Variants in RBM43 observed in about 807,000 individuals in gnomAD.
RBM43 encodes the protein RNA-binding protein 43.
In RBM43, 12 loss-of-function variants were observed where a neutral mutation model predicts 12.4. The observed-to-expected ratio is 0.97, with a 90% CI of 0.62 to 1.57. RBM43 has a LOEUF of 1.57. RBM43 is among the 40% of genes most tolerant of loss of function. The pLI, the probability that RBM43 is intolerant of heterozygous loss-of-function variation, is 0.00. For missense variants in RBM43, 348 were observed against 400.1 expected, an observed-to-expected ratio of 0.87 and a Z score of 1.11; for synonymous variants, 138 against 145.7, an observed-to-expected ratio of 0.95 and a Z score of 0.38.
intron 1 of RBM43, among the ~76,000 whole-genome samples, chr2:151,257,503 C>G (rs566243219): frequency 2.6e-4 from 40 of 151,952 alleles, no homozygotes; most frequent in African/African-American, 9.2e-4. Flanking sequence ...ACCAGCCTGA[C>G]CAACATGGAG....
In RBM43 at chr2:151,248,075, T is replaced by C. The variant is rs975934843; in HGVS notation, c.*2831A>G. The C allele has an allele frequency of 6.6e-6, 1 of 152,204 alleles. No individual in the cohort carries two copies. Among genetic ancestry groups the C allele is most frequent in the African/African-American group, 2.4e-5 (1 of 41,452 alleles). 9.4% of individuals were successfully genotyped at this position (152,204 alleles called of 1,614,324 possible). A position where few individuals can be genotyped will look rare whatever the true frequency, so the allele number is the denominator to read the frequency against. ...GCTAAGGATAAGCTTTAAGCTTTTTTAATAGGCAATCTTATAAAGGCTGTA... is the reference window on the plus strand; with the variant it reads ...GCTAAGGATAAGCTTTAAGCTTTTTCAATAGGCAATCTTATAAAGGCTGTA... On this transcript the variant is annotated 3_prime_UTR_variant, in exon 4 of 4. Coordinates refer to ENST00000331426, the MANE Select transcript of RBM43 (RefSeq NM_198557.3).
At chr2:151,261,567 G>C (rs565391514) in intron 1 of RBM43, 158 bp downstream of exon 1, 3 of 1,540,498 alleles carry the variant, frequency 1.9e-6, no homozygotes, top group South Asian at 1.2e-5. Flanking sequence ...ACGGCTCTCC[G>C]GGGCCCCCGG....
Position 151,251,285 on chromosome 2 carries a change from T to G in RBM43, c.695A>C (p.His232Pro). The change falls in exon 4 of 4, where the codon CAC (histidine) becomes CCC (proline). Residue 232 changes from histidine to proline, a missense_variant. Coordinates refer to ENST00000331426, the MANE Select transcript of RBM43 (RefSeq NM_198557.3). Reference sequence around the variant, plus strand: ...TGTGCTTTCATAAGATCCACACTTGTGTTTCAGGTAAAGAAAAACATCTGT... The same window carrying G: ...TGTGCTTTCATAAGATCCACACTTGGGTTTCAGGTAAAGAAAAACATCTGT... ...LDTDVFLYLKHKCGSYESTLK... is the reference protein window; with the variant it reads ...LDTDVFLYLKPKCGSYESTLK... 2 of 1,614,022 alleles carry G rather than the reference T, an allele frequency of 1.2e-6. No individual in the cohort carries two copies. The highest frequency in any genetic ancestry group is 1.7e-6 in the Non-Finnish European group (2 of 1,180,024).
At position 151,251,445 on chromosome 2, in the gene RBM43, T is replaced by G; in HGVS notation, c.535A>C (p.Asn179His). The change falls in exon 4 of 4, where the codon AAT (asparagine) becomes CAT (histidine). Residue 179 changes from asparagine (N) to histidine (H), a missense_variant. Coordinates refer to ENST00000331426, the MANE Select transcript of RBM43 (RefSeq NM_198557.3). ...RACSLLEKDRNFTSEERKWNR... is the reference protein window; with the variant it reads ...RACSLLEKDRHFTSEERKWNR... Reference sequence around the variant, plus strand: ...CACTTTCTCTCCTCACTGGTAAAATTTCTGTCTTTTTCTAAGAGAGAACAT... The same window carrying G: ...CACTTTCTCTCCTCACTGGTAAAATGTCTGTCTTTTTCTAAGAGAGAACAT... 6.2e-7 allele frequency: 1 copy of G among 1,614,200 alleles called. No homozygotes were observed. Among genetic ancestry groups the G allele is most frequent in the Non-Finnish European group, 8.5e-7 (1 of 1,180,016 alleles).
At position 151,250,769 on chromosome 2, in the gene RBM43, G is replaced by A. The variant is rs932553426; in HGVS notation, c.*137C>T. 1.6e-6 allele frequency: 1 copy of A among 633,518 alleles called. No individual in the cohort carries two copies. The highest frequency in any genetic ancestry group is 1.8e-5 in the African/African-American group (1 of 55,086). The allele number at this position is 633,518 out of a possible 1,614,324, so 39.2% of individuals were successfully genotyped here. ...ATCCTAGTTTCTTCCGCTGTAACAT[G>A]AGGATAGTCAACACTGACAAAGAAG... On this transcript the variant is annotated 3_prime_UTR_variant, in exon 4 of 4. Coordinates refer to ENST00000331426, the MANE Select transcript of RBM43 (RefSeq NM_198557.3).
intron 2 of RBM43, among the ~76,000 whole-genome samples, chr2:151,254,291 C>CTCTCTCTCTCTCTCTCTT (rs1436226346): frequency 6.8e-6 from 1 of 146,710 alleles, no homozygotes; most frequent in Non-Finnish European, 1.5e-5. Flanking sequence ...AGGCCAATCT[C>CTCTCTCTCTCTCTCTCTT]TCTCTCTCTC....
chr2:151,256,334 A>G (rs1682976182), intron 1 of RBM43, among the ~76,000 whole-genome samples: 2 of 152,204 alleles, frequency 1.3e-5, no homozygotes, highest in Non-Finnish European at 1.5e-5. Flanking sequence ...TAATGGAAGA[A>G]GTTACAAAGG....
At chr2:151,255,813 C>T in intron 1 of RBM43, 70 bp from the exon 2 acceptor site, 2 of 1,094,144 alleles carry the variant, frequency 1.8e-6, no homozygotes, top group African/African-American at 1.6e-5. Context: ...CATCACACTT[C>T]AGTGGAGAGA....
chr2:151,255,390 C>A lies in RBM43; in HGVS notation c.214+143G>T. On this transcript the variant is annotated intron_variant, in intron 2 of 3. Coordinates refer to ENST00000331426, the MANE Select transcript of RBM43 (RefSeq NM_198557.3). ...CTGAGATCATGCCACCGCACTCTAA[C>A]CTGGGCAACAGAGTGAGACTGTGTC... 5.3e-6 allele frequency: 3 copies of A among 564,732 alleles called. No individual in the cohort carries two copies. In the South Asian group the frequency reaches 6.2e-5, roughly 12 times the overall value. 35.0% of individuals were successfully genotyped at this position (564,732 alleles called of 1,614,324 possible).
rs761924194 is a variant in RBM43 at position 151,250,070 on chromosome 2, A to G, written c.*836T>C. 7.2e-5 allele frequency: 11 copies of G among 152,218 alleles called. No individual in the cohort carries two copies. The highest frequency in any genetic ancestry group is 1.2e-4 in the Non-Finnish European group (8 of 68,038). The allele number at this position is 152,218 out of a possible 1,614,324, so 9.4% of individuals were successfully genotyped here. On this transcript the variant is annotated 3_prime_UTR_variant, in exon 4 of 4. Transcript: ENST00000331426. ...GTGGCCAGCAGCCTTGAAACAATAG[A>G]ATTTAGTCAAATAATGATTACCTGC...
At position 151,255,645 on chromosome 2, in the gene RBM43, T is replaced by C; in HGVS notation, c.102A>G (p.Val34=). 6.2e-7 allele frequency: 1 copy of C among 1,613,846 alleles called. No homozygotes were observed. The highest frequency in any genetic ancestry group is 8.5e-7 in the Non-Finnish European group (1 of 1,179,792). The change falls in exon 2 of 4, where the codon GTA becomes GTG. Residue 34 remains valine, a synonymous_variant. Transcript: ENST00000331426. Reference sequence around the variant, plus strand: ...TGTCTTGGAAGTGGCTCTTCACTAATACGGCCAATAATTGATCACTAAAAA... The same window carrying C: ...TGTCTTGGAAGTGGCTCTTCACTAACACGGCCAATAATTGATCACTAAAAA... ...VDLFSDQLLA[V]LVKSHFQDIK...
At chr2:151,261,417 G>T (rs1478722043) in intron 1 of RBM43, 2 of 1,550,628 alleles carry the variant, frequency 1.3e-6, no homozygotes, top group Admixed American at 2.0e-5. Context: ...CCTGGGCAGT[G>T]GGTGTGGGAG....
intron 1 of RBM43, chr2:151,261,221 TG>T: frequency 6.5e-7 from 1 of 1,529,006 alleles, no homozygotes; most frequent in East Asian, 2.5e-5. Context: ...ACATAAGACA[TG>T]AGGATGTCTT....
chr2:151,252,675 T>C (rs970497905), intron 3 of RBM43, 80 bp downstream of exon 3: 43 of 759,498 alleles, frequency 5.7e-5, no homozygotes, highest in Non-Finnish European at 6.8e-6. Context: ...GAGAGCACTT[T>C]GTGTCGCCTG....
chr2:151,261,112 A>T, intron 1 of RBM43: 2 of 966,154 alleles, frequency 2.1e-6, no homozygotes, highest in Non-Finnish European at 3.0e-6. Context: ...AGCAGGAATT[A>T]AAGGCCTTGC....
chr2:151,261,443 T>C (rs2271813), intron 1 of RBM43: 244,878 of 1,550,534 alleles, frequency 0.16, 20,788 homozygotes, highest in South Asian at 0.25. Flanking sequence ...AGCCTAGTCC[T>C]GAGCCTCTGG....
chr2:151,254,250 T>C (rs1682945244), intron 2 of RBM43, among the ~76,000 whole-genome samples: 1 of 152,016 alleles, frequency 6.6e-6, no homozygotes, highest in Non-Finnish European at 1.5e-5. Context: ...AAATAACAGG[T>C]ACTCAGAAAA....
chr2:151,260,854 T>C (rs555457586), intron 1 of RBM43: 1 of 192,242 alleles, frequency 5.2e-6, no homozygotes, highest in African/African-American at 2.3e-5. Context: ...ACTAACGTGA[T>C]GGCGCATTTC....
Position 151,250,162 on chromosome 2 carries a change from A to C in RBM43, c.*744T>G, listed in dbSNP as rs1202401824. The C allele has an allele frequency of 6.6e-6, 1 of 152,254 alleles. No homozygotes were observed. 9.4% of individuals were successfully genotyped at this position (152,254 alleles called of 1,614,324 possible). A position where few individuals can be genotyped will look rare whatever the true frequency, so the allele number is the denominator to read the frequency against. Reference sequence around the variant, plus strand: ...TTGCCAGTATTCTAATTCTACACGGAGTAAACACAAACTGTAAATGTTAAG... The same window carrying C: ...TTGCCAGTATTCTAATTCTACACGGCGTAAACACAAACTGTAAATGTTAAG... On this transcript the variant is annotated 3_prime_UTR_variant, in exon 4 of 4. Transcript: ENST00000331426.
Sources: allele counts gnomAD v4.1 joint callset (sites outside exome capture counted in the v4.1 genomes callset), GRCh38; gene constraint gnomAD v4.1.1; transcripts MANE v1.5; gene names NCBI Gene and HGNC (gene_info 2026-07-23, HGNC 2026-07-21).